Variants in TMEM150B observed in about 807,000 individuals in gnomAD.
The protein encoded by TMEM150B is modulator of macroautophagy TMEM150B.
Under a neutral mutation model 25.2 loss-of-function variants are expected in TMEM150B, and 33 were observed. The ratio of observed to expected loss-of-function variants is 1.31; its 90% CI spans 0.99 to 1.75. The LOEUF is 1.75. Among genes scored for constraint, TMEM150B ranks in the 40% most tolerant of loss-of-function variants. The pLI is 0.00. For missense variants in TMEM150B, 322 were observed against 306.1 expected (o/e 1.05, Z -0.39); for synonymous variants, 133 against 134.8 (o/e 0.99, Z 0.09).
At chr19:55,313,181 C>A in intron 7 of TMEM150B, 126 bp from the exon 8 acceptor site, 1 of 968,184 alleles carries the variant, frequency 1.0e-6, no homozygotes, top group Non-Finnish European at 1.5e-6. Flanking sequence ...CCCCTTCCCC[C>A]GTAGCTCCTC....
chr19:55,312,533 CAAAAAAAAA>C (rs372052269), downstream of TMEM150B: 33 of 25,744 alleles, frequency 1.3e-3, no homozygotes, highest in South Asian at 0.02. Flanking sequence ...CCGCCGGCGG[CAAAAAAAAA>C]AAAAAAAAAA....
rs115198928 is a variant in TMEM150B, at chr19:55,321,220, C to T, written c.-57-127G>A. ...ATCTGATTGGCCAGCTCTCCATTTC[C>T]AGGCAATTTCCCCACCTATCCCGCA... On this transcript the variant is annotated intron_variant, in intron 2 of 7. Coordinates refer to ENST00000326652, the MANE Select transcript of TMEM150B (RefSeq NM_001282011.2). 4.4e-4 allele frequency: 573 copies of T among 1,311,546 alleles called. 1 individual carries two copies. In the African/African-American group the frequency reaches 7.6e-3, roughly 17 times the overall value. The allele number at this position is 1,311,546 out of a possible 1,614,324, so 81.2% of individuals were successfully genotyped here. A position where few individuals can be genotyped will look rare whatever the true frequency, so the allele number is the denominator to read the frequency against.
At chr19:55,311,840 C>G (rs2088804498), downstream of TMEM150B, 2 of 1,526,738 alleles carry the variant, frequency 1.3e-6, no homozygotes, top group Non-Finnish European at 1.8e-6. Context: ...AGACTCTGCC[C>G]CCATCCCCTG....
At chr19:55,317,060 G>A (rs951272854) in intron 6 of TMEM150B, 94 bp from the exon 7 acceptor site, 1 of 1,179,424 alleles carries the variant, frequency 8.5e-7, no homozygotes, top group Non-Finnish European at 1.2e-6. Flanking sequence ...GCAGTAGACA[G>A]TGGTCACCAA....
At chr19:55,314,910 T>C (rs1011558967) in intron 7 of TMEM150B, among the ~76,000 whole-genome samples, 2 of 152,202 alleles carry the variant, frequency 1.3e-5, no homozygotes, top group African/African-American at 4.8e-5. Context: ...GGTTTCTCTG[T>C]ACTCTCTTCT....
At position 55,318,002 on chromosome 19, in the gene TMEM150B, C is replaced by G. The variant is rs192048061; in HGVS notation, c.325-1036G>C. Among the ~76,000 whole-genome samples the G allele has an allele frequency of 7.6e-4, 116 of 151,930 alleles. 1 individual carries two copies. The highest frequency in any genetic ancestry group is 1.4e-3 in the Non-Finnish European group (92 of 67,968). ...TAAATAAAATAAATACTTAAAATTT[C>G]ATGGGAAGAGGGGAGAACCAGGGGG... is the stretch of plus-strand genomic sequence containing the variant. On this transcript the variant is annotated intron_variant, in intron 6 of 7. Transcript: ENST00000326652.
chr19:55,310,820 A>G (rs1441082877), downstream of TMEM150B, among the ~76,000 whole-genome samples: 3 of 152,166 alleles, frequency 2.0e-5, no homozygotes, highest in Non-Finnish European at 2.9e-5. The surrounding 1 kb of genome is among the most constrained non-coding windows in gnomAD (Gnocchi z 5.0). Context: ...CTCAGCAACC[A>G]GGGGTCTCAA....
downstream of TMEM150B, chr19:55,311,806 G>C: frequency 8.2e-7 from 1 of 1,221,106 alleles, no homozygotes; most frequent in Non-Finnish European, 1.1e-6. Context: ...AGAGCCTCGG[G>C]GTTACTGAGA....
chr19:55,312,693 G>A (rs2088837678), downstream of TMEM150B: 2 of 775,440 alleles, frequency 2.6e-6, no homozygotes, highest in Non-Finnish European at 4.0e-6. Context: ...GCTGTTCAGA[G>A]GCCCTCCGCG....
chr19:55,320,270 TC>T (rs1269432873), intron 5 of TMEM150B, 104 bp from the exon 6 acceptor site: 2 of 1,517,166 alleles, frequency 1.3e-6, no homozygotes, highest in Non-Finnish European at 1.8e-6. Flanking sequence ...AGTGGCAAAC[TC>T]CCGGATTTTG....
intron 1 of TMEM150B, 25 bp from the exon 2 acceptor site, chr19:55,322,768 A>G (rs1417110523): frequency 3.1e-6 from 3 of 977,526 alleles, no homozygotes; most frequent in Non-Finnish European, 3.6e-6. Flanking sequence ...TCCAGGCTGC[A>G]GGACTGCCTG....
downstream of TMEM150B, among the ~76,000 whole-genome samples, chr19:55,309,557 G>A (rs932226051): frequency 2.0e-5 from 3 of 152,224 alleles, no homozygotes; most frequent in Non-Finnish European, 4.4e-5. Flanking sequence ...CAGACAGCAC[G>A]TTGGTGCTGT....
At chr19:55,312,750 G>A (rs1344981959), downstream of TMEM150B, 11 of 1,243,274 alleles carry the variant, frequency 8.8e-6, no homozygotes, top group Non-Finnish European at 1.1e-5. Flanking sequence ...GGCAGCCCCA[G>A]CTGGTTGGAG....
chr19:55,316,363 T>G (rs1038580431), intron 7 of TMEM150B, among the ~76,000 whole-genome samples: 1 of 138,530 alleles, frequency 7.2e-6, no homozygotes, highest in African/African-American at 2.7e-5. Flanking sequence ...CGTAACCACA[T>G]GATTCCTGGC....
chr19:55,321,968 T>A (rs1163049789), intron 2 of TMEM150B, among the ~76,000 whole-genome samples: 1 of 152,150 alleles, frequency 6.6e-6, no homozygotes, highest in South Asian at 2.1e-4. Flanking sequence ...AGGCTGAGCA[T>A]GGGTGGGAAG....
In TMEM150B at chr19:55,312,891, C is replaced by T; in HGVS notation, c.670G>A (p.Ala224Thr). The T allele has an allele frequency of 1.3e-6, 2 of 1,599,266 alleles. No homozygotes were observed. Among genetic ancestry groups the T allele is most frequent in the Non-Finnish European group, 8.5e-7 (1 of 1,174,092 alleles). Reference sequence around the variant, plus strand: ...TGGACCGGCAGGGAGATGGGGGAGGCCGGCGGGGGGCTGAGGCTGGGCCAC... The same window carrying T: ...TGGACCGGCAGGGAGATGGGGGAGGTCGGCGGGGGGCTGAGGCTGGGCCAC... ...QPWPSLSPPP[A>T]SPISLPVQL The change falls in exon 8 of 8, where the codon GCC (alanine) becomes ACC (threonine). Residue 224 changes from alanine to threonine, a missense_variant. Coordinates refer to ENST00000326652, the MANE Select transcript of TMEM150B (RefSeq NM_001282011.2).
chr19:55,311,897 TTCC>T, downstream of TMEM150B: 1 of 1,610,584 alleles, frequency 6.2e-7, no homozygotes, highest in South Asian at 1.1e-5. Context: ...GAAAAACCTC[TTCC>T]TCCCTTGCAG....
At chr19:55,312,783 C>T, downstream of TMEM150B, 1 of 1,417,740 alleles carries the variant, frequency 7.1e-7, no homozygotes, top group Non-Finnish European at 9.5e-7. Context: ...GCTCATCTTG[C>T]TGGGTGCGGG....
At chr19:55,319,896 A>T (rs1600227130) in intron 6 of TMEM150B, 143 bp downstream of exon 6, 3 of 1,439,202 alleles carry the variant, frequency 2.1e-6, no homozygotes, top group Non-Finnish European at 2.7e-6. Flanking sequence ...GTCCAAGGCC[A>T]CTGGCCAGAG....
Sources: gnomAD v4.1 joint callset for allele counts (sites outside exome capture counted in the v4.1 genomes callset) on GRCh38, gnomAD v4.1.1 for gene constraint, Gnocchi (gnomAD v3.1) non-coding constraint, MANE v1.5 for transcripts, NCBI Gene and HGNC (gene_info 2026-07-23, HGNC 2026-07-21) for gene names.